Variants in PSIP1 observed in about 807,000 individuals in gnomAD.
PSIP1 encodes PC4 and SFRS1-interacting protein.
In PSIP1, 19 loss-of-function variants were observed where a neutral mutation model predicts 74.7. The ratio of observed to expected loss-of-function variants is 0.25; its 90% confidence interval spans 0.18 to 0.37. The LOEUF is 0.37. PSIP1 is among the 10% of genes least tolerant of loss of function. The probability of loss-of-function intolerance (pLI) is 1.00; values close to 1 mark genes in which losing one functional copy is unlikely to be tolerated. For synonymous variants in PSIP1, 222 were observed against 195.3 expected (o/e 1.14, Z -1.14); for missense variants, 601 against 614.3 (o/e 0.98, Z 0.23).
chr9:15,470,014 T>C (rs775610728), intron 10 of PSIP1, 21 bp from the exon 11 acceptor site: 2 of 1,580,990 alleles, frequency 1.3e-6, no homozygotes, highest in Non-Finnish European at 1.7e-6. Context: ...TTAACAAAAA[T>C]ATTTCAACAC....
At chr9:15,466,685 G>A in intron 15 of PSIP1, 63 bp downstream of exon 15, 2 of 1,307,890 alleles carry the variant, frequency 1.5e-6, no homozygotes, top group Non-Finnish European at 2.1e-6. Flanking sequence ...CCTTGGAACA[G>A]AACTGTGATT....
At chr9:15,469,870 A>G in intron 11 of PSIP1, 68 bp downstream of exon 11, 2 of 1,347,370 alleles carry the variant, frequency 1.5e-6, no homozygotes, top group Admixed American at 1.8e-5. Flanking sequence ...CAATACATGA[A>G]AAGTTATGTC....
In PSIP1 at chr9:15,464,685, A is replaced by G. The variant is rs1372790349; in HGVS notation, c.*835T>C. ...ACTTCCTAAAGACATTTTTAACAAC[A>G]TTCCTCAAAAATAAACTTACTTAGT... On this transcript the variant is annotated 3_prime_UTR_variant, in exon 16 of 16. Transcript: ENST00000380733. 2 of 198,436 alleles carry G rather than the reference A, an allele frequency of 1.0e-5. No individual in the cohort carries two copies. Among genetic ancestry groups the G allele is most frequent in the Non-Finnish European group, 2.1e-5 (2 of 96,102 alleles). 12.3% of individuals were successfully genotyped at this position (198,436 alleles called of 1,614,324 possible). A position where few individuals can be genotyped will look rare whatever the true frequency, so the allele number is the denominator to read the frequency against.
At chr9:15,506,525 T>A (rs757830328) in intron 3 of PSIP1, 36 bp downstream of exon 3, 1 of 1,446,488 alleles carries the variant, frequency 6.9e-7, no homozygotes, top group Non-Finnish European at 9.7e-7. Context: ...CCTGTTAAAT[T>A]AGCTCTGATT....
At chr9:15,467,014 CTT>C (rs2035667103) in intron 14 of PSIP1, among the ~76,000 whole-genome samples, 155 bp from the exon 15 acceptor site, 1 of 127,130 alleles carries the variant, frequency 7.9e-6, no homozygotes. Context: ...ACAGCCCTCT[CTT>C]GAATGTTAGA....
chr9:15,483,774 A>G (rs1423370261), intron 6 of PSIP1, among the ~76,000 whole-genome samples: 1 of 152,192 alleles, frequency 6.6e-6, no homozygotes, highest in Non-Finnish European at 1.5e-5. Context: ...AAGGCGGATC[A>G]CAAGGTGAGG....
chr9:15,481,876 A>G (rs1248234441), intron 6 of PSIP1, among the ~76,000 whole-genome samples: 1 of 152,222 alleles, frequency 6.6e-6, no homozygotes, highest in African/African-American at 2.4e-5. Flanking sequence ...AATAAAATCA[A>G]AGAATAATAA....
chr9:15,480,387 T>C (rs1280715322), intron 6 of PSIP1, among the ~76,000 whole-genome samples: 1 of 152,180 alleles, frequency 6.6e-6, no homozygotes, highest in Non-Finnish European at 1.5e-5. Flanking sequence ...CAGCATTAAC[T>C]GTATCACTAA....
chr9:15,471,474 A>G, intron 10 of PSIP1: 1 of 963,406 alleles, frequency 1.0e-6, no homozygotes, highest in Non-Finnish European at 1.2e-6. Flanking sequence ...GTAACAACTA[A>G]TTTTATATCT....
At chr9:15,502,090 A>G (rs1020400731) in intron 3 of PSIP1, among the ~76,000 whole-genome samples, 1 of 152,076 alleles carries the variant, frequency 6.6e-6, no homozygotes, top group Non-Finnish European at 1.5e-5. Context: ...AGTGCTCCTT[A>G]TAAGAATCTA....
chr9:15,493,154 C>T (rs920593951), intron 3 of PSIP1, among the ~76,000 whole-genome samples: 5 of 152,220 alleles, frequency 3.3e-5, no homozygotes, highest in African/African-American at 1.2e-4. Flanking sequence ...TGCTCTGTCA[C>T]TTCCTAAATG....
At chr9:15,495,159 G>A (rs2037017302) in intron 3 of PSIP1, among the ~76,000 whole-genome samples, 1 of 152,072 alleles carries the variant, frequency 6.6e-6, no homozygotes, top group Non-Finnish European at 1.5e-5. Context: ...GGGGTGACCA[G>A]GAACTTCAGG....
chr9:15,496,566 A>G (rs2037084736), intron 3 of PSIP1, among the ~76,000 whole-genome samples: 2 of 152,164 alleles, frequency 1.3e-5, no homozygotes, highest in South Asian at 4.1e-4. Flanking sequence ...TTTCACTACA[A>G]TTGTTTTTTA....
intron 6 of PSIP1, among the ~76,000 whole-genome samples, chr9:15,484,472 A>G (rs1479096515): frequency 1.3e-5 from 2 of 151,222 alleles, no homozygotes; most frequent in Non-Finnish European, 3.0e-5. Flanking sequence ...GGTGGCTCAC[A>G]CCAGCACTTT....
At chr9:15,473,927 C>CAA (rs768554289) in intron 9 of PSIP1, 82 bp downstream of exon 9, 90 of 514,622 alleles carry the variant, frequency 1.7e-4, no homozygotes, top group South Asian at 5.6e-4. Context: ...AAAAAAAAAA[C>CAA]AAAAAAAAAA....
chr9:15,496,236 G>A (rs1004374577), intron 3 of PSIP1, among the ~76,000 whole-genome samples: 3 of 152,186 alleles, frequency 2.0e-5, no homozygotes, highest in African/African-American at 7.2e-5. Flanking sequence ...GTTGTTAGTG[G>A]ACTGTTACTT....
chr9:15,495,598 C>T (rs1309489519), intron 3 of PSIP1, among the ~76,000 whole-genome samples: 1 of 152,074 alleles, frequency 6.6e-6, no homozygotes, highest in Non-Finnish European at 1.5e-5. Flanking sequence ...TTGAACAGTG[C>T]TTGCCTTCTT....
intron 3 of PSIP1, among the ~76,000 whole-genome samples, chr9:15,501,127 TA>T (rs2037323620): frequency 6.6e-6 from 1 of 151,894 alleles, no homozygotes; most frequent in African/African-American, 2.4e-5. Flanking sequence ...AAAACACAAA[TA>T]TAAGTAACCT....
chr9:15,469,799 A>G, intron 11 of PSIP1, 139 bp downstream of exon 11: 2 of 652,208 alleles, frequency 3.1e-6, no homozygotes, highest in Non-Finnish European at 2.6e-6. Flanking sequence ...ATTTATATAA[A>G]GCCCATTAGG....
Sources: gnomAD v4.1 joint callset for allele counts (sites outside exome capture counted in the v4.1 genomes callset) on GRCh38, gnomAD v4.1.1 for gene constraint, MANE v1.5 for transcripts, NCBI Gene and HGNC (gene_info 2026-07-23, HGNC 2026-07-21) for gene names.